TTC23: variants seen among roughly 807,000 people sequenced by gnomAD.
The protein encoded by TTC23 is tetratricopeptide repeat domain 23, also known as tetratricopeptide repeat protein 23.
In TTC23, 58 loss-of-function variants were observed where a neutral mutation model predicts 55.1. That is an observed-to-expected ratio of 1.05 (90% CI 0.85 to 1.31). The LOEUF (loss-of-function observed/expected upper bound fraction) is 1.31, where lower values mean the gene tolerates loss of function less well. Among genes scored for constraint, TTC23 ranks in the 50% most tolerant of loss-of-function variants. The pLI is 0.00. For missense variants in TTC23, 516 were observed against 534.4 expected (o/e 0.97, Z 0.34); for synonymous variants, 203 against 199.9 (o/e 1.02, Z -0.13).
At chr15:99,207,799 C>T (rs2076742255) in intron 8 of TTC23, among the ~76,000 whole-genome samples, 1 of 152,114 alleles carries the variant, frequency 6.6e-6, no homozygotes, top group African/African-American at 2.4e-5. Context: ...TATAATTTTG[C>T]ATCCATATAA....
At chr15:99,158,668 C>T (rs1398080317) in intron 11 of TTC23, 1 of 152,292 alleles carries the variant, frequency 6.6e-6, no homozygotes, top group Non-Finnish European at 1.5e-5. Flanking sequence ...AGTAGCTTAA[C>T]CTGTGGCAGA....
intron 12 of TTC23, chr15:99,155,359 G>A (rs2070392961): frequency 6.6e-6 from 1 of 152,156 alleles, no homozygotes; most frequent in Non-Finnish European, 1.5e-5. Flanking sequence ...ATATCACAAA[G>A]TTGTCAATTC....
chr15:99,165,425 T>C (rs904603007), intron 10 of TTC23, among the ~76,000 whole-genome samples: 3 of 152,240 alleles, frequency 2.0e-5, no homozygotes, highest in Admixed American at 6.5e-5. Context: ...TTTGGAAATA[T>C]GTCTACCAAA....
chr15:99,209,414 G>T (rs1186396896), intron 8 of TTC23, among the ~76,000 whole-genome samples: 1 of 152,194 alleles, frequency 6.6e-6, no homozygotes, highest in African/African-American at 2.4e-5. Flanking sequence ...TAAAGGCTTT[G>T]CTCTGTTGAA....
At chr15:99,174,436 T>C (rs2073299295) in intron 10 of TTC23, among the ~76,000 whole-genome samples, 1 of 150,804 alleles carries the variant, frequency 6.6e-6, no homozygotes, top group Admixed American at 6.6e-5. Context: ...CTTTATGAAT[T>C]GTACTCCATT....
At chr15:99,213,429 CAG>C (rs1264283401) in intron 8 of TTC23, among the ~76,000 whole-genome samples, 1 of 152,210 alleles carries the variant, frequency 6.6e-6, no homozygotes, top group Non-Finnish European at 1.5e-5. Flanking sequence ...GGAAAGCACT[CAG>C]AGGAGGTGCC....
chr15:99,214,787 T>C (rs1343978050), intron 8 of TTC23, among the ~76,000 whole-genome samples: 6 of 151,776 alleles, frequency 4.0e-5, no homozygotes, highest in Non-Finnish European at 8.8e-5. Flanking sequence ...CACCTTTTGA[T>C]AGGTTTATTT....
upstream of TTC23, among the ~76,000 whole-genome samples, chr15:99,250,519 A>T (rs1421945520): frequency 6.6e-6 from 1 of 152,214 alleles, no homozygotes; most frequent in African/African-American, 2.4e-5. Context: ...GTAGTAGAGG[A>T]TTATACTTTA....
chr15:99,161,055 A>G (rs990614047), intron 11 of TTC23: 2 of 151,678 alleles, frequency 1.3e-5, no homozygotes, highest in African/African-American at 2.4e-5. Flanking sequence ...AGTGAAAAGT[A>G]AACAGGACTT....
intron 9 of TTC23, among the ~76,000 whole-genome samples, chr15:99,196,497 A>G (rs1377785007): frequency 2.0e-5 from 3 of 152,174 alleles, no homozygotes. Flanking sequence ...CAGTGTGCCT[A>G]TGCTAAGTAA....
intron 1 of TTC23, among the ~76,000 whole-genome samples, chr15:99,246,951 A>G (rs1340958439): frequency 6.6e-6 from 1 of 152,160 alleles, no homozygotes; most frequent in Non-Finnish European, 1.5e-5. Flanking sequence ...CAAAAACCAA[A>G]AAAACCAAAA....
intron 12 of TTC23, among the ~76,000 whole-genome samples, chr15:99,145,944 G>T (rs967786335): frequency 6.6e-6 from 1 of 152,144 alleles, no homozygotes; most frequent in Non-Finnish European, 1.5e-5. Flanking sequence ...CAGAAAGCTC[G>T]CCCTGAGTAT....
At chr15:99,219,750 G>A (rs535477305) in intron 6 of TTC23, among the ~76,000 whole-genome samples, 13 of 152,094 alleles carry the variant, frequency 8.5e-5, no homozygotes, top group African/African-American at 2.7e-4. Context: ...GGCTTTGCAC[G>A]TCCCTGTATT....
At chr15:99,166,511 G>C (rs2072115064) in intron 10 of TTC23, among the ~76,000 whole-genome samples, 1 of 152,196 alleles carries the variant, frequency 6.6e-6, no homozygotes, top group South Asian at 2.1e-4. Flanking sequence ...TCCGGAAGAG[G>C]GAACGGGTGT....
At chr15:99,221,668 A>T in intron 6 of TTC23, 73 bp downstream of exon 6, 1 of 1,587,354 alleles carries the variant, frequency 6.3e-7, no homozygotes, top group South Asian at 1.1e-5. Flanking sequence ...CCTTCTAATT[A>T]AGTGTGAATC....
Position 99,218,591 on chromosome 15 carries a change from G to A in TTC23, c.578C>T (p.Ala193Val). The A allele has an allele frequency of 6.2e-7, 1 of 1,614,132 alleles. No individual in the cohort carries two copies. Among genetic ancestry groups the A allele is most frequent in the Non-Finnish European group, 8.5e-7 (1 of 1,180,008 alleles). Residue 193 changes from alanine to valine, a missense_variant, in exon 8 of 14, where the codon GCA becomes GTA. Physicochemically the swap from Ala to Val is moderately conservative, Grantham distance 64. Transcript: ENST00000394132. ...AAATCCTAAACTTGAAACTTACTGT[G>A]CAAATGATAATCTGATCCGTGCTTC... ...EIEARIRLSF[A>V]QVYQGQKKSK...
At chr15:99,180,335 G>A (rs1184800664) in intron 9 of TTC23, among the ~76,000 whole-genome samples, 1 of 151,296 alleles carries the variant, frequency 6.6e-6, no homozygotes, top group Non-Finnish European at 1.5e-5. Flanking sequence ...ATTGAACAAG[G>A]TCATTAATTA....
intron 9 of TTC23, among the ~76,000 whole-genome samples, chr15:99,182,420 T>C (rs1352262780): frequency 2.0e-5 from 3 of 152,206 alleles, no homozygotes; most frequent in South Asian, 4.1e-4. Flanking sequence ...TATTTTTGTA[T>C]GGTTATTGGT....
upstream of TTC23, among the ~76,000 whole-genome samples, chr15:99,250,886 G>C (rs527348114): frequency 6.6e-6 from 1 of 152,170 alleles, no homozygotes; most frequent in African/African-American, 2.4e-5. Context: ...CTCACTACTT[G>C]CTAAATAACG....
Sources: allele counts gnomAD v4.1 joint callset (sites outside exome capture counted in the v4.1 genomes callset), GRCh38; gene constraint gnomAD v4.1.1; transcripts MANE v1.5; gene names NCBI Gene and HGNC (gene_info 2026-07-23, HGNC 2026-07-21).